Variants in FGGY observed in about 807,000 individuals in gnomAD.
FGGY encodes the protein FGGY carbohydrate kinase domain containing, also known as FGGY carbohydrate kinase domain-containing protein.
A neutral mutation model predicts 71.3 loss-of-function variants in FGGY; 72 were observed. The ratio of observed to expected loss-of-function variants is 1.01; its 90% confidence interval spans 0.84 to 1.23. FGGY has a LOEUF of 1.23. Among genes scored for constraint, FGGY ranks in the 50% most tolerant of loss-of-function variants. The pLI is 0.00. For missense variants in FGGY, 668 were observed against 682.3 expected (o/e 0.98, Z 0.23); for synonymous variants, 251 against 250.3 (o/e 1.00, Z -0.02).
chr1:59,532,831 A>G (rs1287910688), intron 7 of FGGY, among the ~76,000 whole-genome samples: 1 of 152,216 alleles, frequency 6.6e-6, no homozygotes, highest in African/African-American at 2.4e-5. Flanking sequence ...GAAAGCTAAC[A>G]TCATAGATGA....
At chr1:59,659,780 G>A (rs2097257480) in intron 11 of FGGY, among the ~76,000 whole-genome samples, 2 of 152,174 alleles carry the variant, frequency 1.3e-5, no homozygotes, top group Admixed American at 1.3e-4. Flanking sequence ...ATATTACCCT[G>A]GATTGGACAC....
At chr1:59,587,231 A>G (rs1013683168) in intron 8 of FGGY, among the ~76,000 whole-genome samples, 3 of 152,290 alleles carry the variant, frequency 2.0e-5, no homozygotes, top group Middle Eastern at 3.4e-3. Context: ...AGGCGGCAGC[A>G]AGGCTGGGGG....
intron 1 of FGGY, among the ~76,000 whole-genome samples, chr1:59,319,552 A>G (rs181109886): frequency 6.6e-6 from 1 of 152,316 alleles, no homozygotes; most frequent in African/African-American, 2.4e-5. Flanking sequence ...GCCTTTTCCA[A>G]GGAGAATTGA....
intron 14 of FGGY, among the ~76,000 whole-genome samples, chr1:59,682,666 A>C (rs2097512554): frequency 6.6e-6 from 1 of 152,204 alleles, no homozygotes; most frequent in African/African-American, 2.4e-5. Context: ...ATTGGCTGGA[A>C]TCAGAATCAG....
chr1:59,459,084 A>G (rs932426585), intron 6 of FGGY, among the ~76,000 whole-genome samples: 18 of 152,188 alleles, frequency 1.2e-4, no homozygotes, highest in African/African-American at 4.3e-4. Flanking sequence ...TACAATTACC[A>G]TAATTTGCTC....
chr1:59,595,819 A>G (rs72666252), intron 8 of FGGY, among the ~76,000 whole-genome samples: 23,952 of 152,138 alleles, frequency 0.16, 2,283 homozygotes, highest in South Asian at 0.34. Context: ...ATTCTTCTAA[A>G]GAAGTCCAGA....
chr1:59,309,007 T>G (rs1389487897), intron 1 of FGGY, among the ~76,000 whole-genome samples: 1 of 152,118 alleles, frequency 6.6e-6, no homozygotes, highest in Non-Finnish European at 1.5e-5. Flanking sequence ...AAAAAAAGGT[T>G]GTGGTGGATT....
intron 6 of FGGY, among the ~76,000 whole-genome samples, chr1:59,485,826 G>A (rs1002951574): frequency 6.6e-6 from 1 of 152,092 alleles, no homozygotes; most frequent in Non-Finnish European, 1.5e-5. Flanking sequence ...CCATTTTACA[G>A]ATGGTCAGTC....
chr1:59,577,760 A>G (rs533251174), intron 8 of FGGY, among the ~76,000 whole-genome samples: 1 of 152,174 alleles, frequency 6.6e-6, no homozygotes, highest in Non-Finnish European at 1.5e-5. Context: ...GTAACACCCA[A>G]TATTAGAATT....
At chr1:59,632,190 T>A (rs1198098218) in intron 10 of FGGY, among the ~76,000 whole-genome samples, 4 of 152,186 alleles carry the variant, frequency 2.6e-5, no homozygotes, top group Non-Finnish European at 2.9e-5. Context: ...AAACATGCAG[T>A]ACATACATGC....
At chr1:59,700,130 A>G (rs906963973) in intron 14 of FGGY, among the ~76,000 whole-genome samples, 4 of 152,250 alleles carry the variant, frequency 2.6e-5, no homozygotes, top group African/African-American at 9.6e-5. Flanking sequence ...CAAGTCTTAT[A>G]AAACTGTTTT....
chr1:59,444,268 C>T (rs1045326641), intron 5 of FGGY, among the ~76,000 whole-genome samples: 1 of 152,128 alleles, frequency 6.6e-6, no homozygotes, highest in Non-Finnish European at 1.5e-5. Context: ...CTTTTTTTAA[C>T]ATTTAAACTT....
At chr1:59,345,737 TA>T (rs2051735008) in intron 3 of FGGY, among the ~76,000 whole-genome samples, 1 of 151,430 alleles carries the variant, frequency 6.6e-6, no homozygotes, top group Admixed American at 6.6e-5. Flanking sequence ...AACACCTACA[TA>T]AACTAATTTT....
At chr1:59,435,557 G>A (rs578232280) in intron 5 of FGGY, among the ~76,000 whole-genome samples, 1 of 152,066 alleles carries the variant, frequency 6.6e-6, no homozygotes, top group Non-Finnish European at 1.5e-5. Flanking sequence ...CAAGCACTTT[G>A]CCCCTTTGCA....
rs1035906512 is a variant in FGGY, at chr1:59,588,989, T to A, written c.904-18814T>A. Among the ~76,000 whole-genome samples the A allele has an allele frequency of 7.2e-5, 11 of 152,142 alleles. No homozygotes were observed. In the East Asian group the frequency reaches 1.7e-3, roughly 24 times the overall value. ...TAAATGCTCCAATTAAAAGACACAG[T>A]CTGGTAAATTGGATAAAGAGTCAAG... On this transcript the variant is annotated intron_variant, in intron 8 of 15. Coordinates refer to ENST00000303721, the MANE Select transcript of FGGY (RefSeq NM_018291.5).
intron 5 of FGGY, among the ~76,000 whole-genome samples, chr1:59,412,207 A>T (rs1006384837): frequency 6.6e-6 from 1 of 152,130 alleles, no homozygotes; most frequent in Non-Finnish European, 1.5e-5. Flanking sequence ...ATGCTTTTCC[A>T]TAGGGCACCC....
intron 13 of FGGY, among the ~76,000 whole-genome samples, chr1:59,669,623 G>A (rs893548342): frequency 3.0e-5 from 4 of 132,068 alleles, no homozygotes; most frequent in African/African-American, 1.2e-4. Context: ...TTGAACTCCT[G>A]ACCTCAAGTG....
At position 59,435,898 on chromosome 1, in the gene FGGY, G is replaced by A. The variant is rs147891365; in HGVS notation, c.555-21063G>A. 4.7e-3 allele frequency among the ~76,000 whole-genome samples: 710 copies of A among 152,184 alleles called. 4 individuals are homozygous for A. The highest frequency in any genetic ancestry group is 0.016 in the African/African-American group (673 of 41,518). On this transcript the variant is annotated intron_variant, in intron 5 of 15. Transcript: ENST00000303721. ...AGTGGCCAGCATGAAGGAGATACAC[G>A]AGAAAGCAATGTGTGTGCACTGAGT...
At chr1:59,437,257 T>A (rs1157051621) in intron 5 of FGGY, among the ~76,000 whole-genome samples, 2 of 152,162 alleles carry the variant, frequency 1.3e-5, no homozygotes, top group Non-Finnish European at 2.9e-5. Flanking sequence ...GCTAGATTGG[T>A]GTTTGGGAGC....
Sources: gnomAD v4.1 joint callset for allele counts (sites outside exome capture counted in the v4.1 genomes callset) on GRCh38, gnomAD v4.1.1 for gene constraint, MANE v1.5 for transcripts, NCBI Gene and HGNC (gene_info 2026-07-23, HGNC 2026-07-21) for gene names.